The following RGS7 variants were observed in gnomAD, a reference collection of about 807,000 sequenced individuals.
RGS7 encodes regulator of G protein signaling 7.
A neutral mutation model predicts 81.1 loss-of-function variants in RGS7; 27 were observed. That is an observed-to-expected ratio of 0.33 (90% CI 0.25 to 0.46). The LOEUF (loss-of-function observed/expected upper bound fraction) is 0.46. Ranked by LOEUF, RGS7 falls within the 20% of genes least tolerant of loss-of-function variation. RGS7 has a pLI of 1.00. For missense variants in RGS7, 396 were observed against 607.4 expected, an observed-to-expected ratio of 0.65 and a Z score of 3.66; for synonymous variants, 208 against 207.7, an observed-to-expected ratio of 1.00 and a Z score of -0.01.
intron 2 of RGS7, among the ~76,000 whole-genome samples, chr1:241,286,773 T>C (rs1013414440): frequency 6.6e-6 from 1 of 152,148 alleles, no homozygotes; most frequent in African/African-American, 2.4e-5. Flanking sequence ...GCCACACTGC[T>C]CAAGGAAGAG....
chr1:241,254,612 C>T (rs370548528), intron 2 of RGS7, among the ~76,000 whole-genome samples: 1 of 152,078 alleles, frequency 6.6e-6, no homozygotes, highest in Admixed American at 6.5e-5. Flanking sequence ...AACATCACCT[C>T]GGGGATAACG....
At chr1:240,937,122 A>C (rs6677850) in intron 4 of RGS7, among the ~76,000 whole-genome samples, 2,653 of 152,238 alleles carry the variant, frequency 0.017, 78 homozygotes, top group African/African-American at 0.06. Context: ...AGCCATATTC[A>C]ATTTTAAACA....
chr1:241,342,827 C>G (rs12042977), intron 2 of RGS7, among the ~76,000 whole-genome samples: 94,785 of 152,098 alleles, frequency 0.62, 32,610 homozygotes, highest in Non-Finnish European at 0.77. Flanking sequence ...CACTTCACAC[C>G]CATTAGGATG....
At chr1:241,257,442 T>C (rs545053329) in intron 2 of RGS7, among the ~76,000 whole-genome samples, 1 of 152,224 alleles carries the variant, frequency 6.6e-6, no homozygotes, top group African/African-American at 2.4e-5. Context: ...GAAATCACTG[T>C]CTCCTAACAG....
At chr1:241,024,675 G>C (rs2059702743) in intron 3 of RGS7, among the ~76,000 whole-genome samples, 1 of 152,206 alleles carries the variant, frequency 6.6e-6, no homozygotes, top group South Asian at 2.1e-4. Context: ...GTCAAGGTTA[G>C]TCACAGAAAC....
intron 3 of RGS7, among the ~76,000 whole-genome samples, chr1:241,011,313 C>T (rs1469375956): frequency 6.6e-6 from 1 of 152,134 alleles, no homozygotes; most frequent in Non-Finnish European, 1.5e-5. Flanking sequence ...TCCTTCCTGG[C>T]AGCAGGGGAG....
chr1:241,041,406 C>T (rs1412134604), intron 3 of RGS7, among the ~76,000 whole-genome samples: 1 of 152,076 alleles, frequency 6.6e-6, no homozygotes, highest in Non-Finnish European at 1.5e-5. Flanking sequence ...GAAAAAAATA[C>T]TCGCAAAAGC....
intron 2 of RGS7, among the ~76,000 whole-genome samples, chr1:241,154,143 T>C (rs1325315757): frequency 6.6e-6 from 1 of 152,102 alleles, no homozygotes; most frequent in Non-Finnish European, 1.5e-5. Flanking sequence ...GTAGTACGTA[T>C]ATAAAGTATT....
intron 2 of RGS7, among the ~76,000 whole-genome samples, chr1:241,317,132 T>A (rs982316135): frequency 1.3e-5 from 2 of 152,180 alleles, no homozygotes; most frequent in African/African-American, 4.8e-5. Context: ...AAGCTTCCAA[T>A]GTTTGATATG....
At chr1:241,212,851 C>T (rs1196217651) in intron 2 of RGS7, among the ~76,000 whole-genome samples, 1 of 152,160 alleles carries the variant, frequency 6.6e-6, no homozygotes, top group African/African-American at 2.4e-5. Context: ...CTTTCATAAG[C>T]CACACCTCCT....
intron 2 of RGS7, among the ~76,000 whole-genome samples, chr1:241,306,427 A>G (rs2080142426): frequency 6.8e-6 from 1 of 147,152 alleles, no homozygotes; most frequent in African/African-American, 2.5e-5. Context: ...ACGTCCATAC[A>G]CCCTTTACAC....
In RGS7 at chr1:240,957,098, G is replaced by T. The variant is rs1469312336; in HGVS notation, c.227-20392C>A. 2.6e-5 allele frequency among the ~76,000 whole-genome samples: 4 copies of T among 152,134 alleles called. No homozygotes were observed. In the South Asian group the frequency reaches 8.3e-4, roughly 32 times the overall value. On this transcript the variant is annotated intron_variant, in intron 4 of 18. Coordinates refer to ENST00000440928, the MANE Select transcript of RGS7 (RefSeq NM_001364886.1). ...AGAGGAGATTAACATTTGAGGCAGT[G>T]GACTGGCAGAGGCAGACCACCCTCA...
intron 6 of RGS7, among the ~76,000 whole-genome samples, chr1:240,899,217 A>C (rs901888293): frequency 2.6e-5 from 4 of 152,068 alleles, no homozygotes; most frequent in African/African-American, 7.2e-5. Context: ...CAGCACACTG[A>C]TGGGTCTTGA....
At chr1:241,326,476 G>A (rs2081502448) in intron 2 of RGS7, among the ~76,000 whole-genome samples, 1 of 152,072 alleles carries the variant, frequency 6.6e-6, no homozygotes, top group East Asian at 1.9e-4. Context: ...TTACCAAATT[G>A]TGTGTCTATT....
intron 2 of RGS7, among the ~76,000 whole-genome samples, chr1:241,154,955 CTG>C (rs1483147129): frequency 6.6e-6 from 1 of 151,980 alleles, no homozygotes; most frequent in Admixed American, 6.6e-5. Flanking sequence ...GTCACGCAGA[CTG>C]AAAAAGAAAA....
chr1:241,004,287 C>A (rs1002399609), intron 3 of RGS7, among the ~76,000 whole-genome samples: 8 of 152,132 alleles, frequency 5.3e-5, no homozygotes, highest in African/African-American at 1.9e-4. Flanking sequence ...AATTCATTTT[C>A]CACCAATTTG....
At chr1:240,845,908 G>A (rs955820007) in intron 9 of RGS7, among the ~76,000 whole-genome samples, 1 of 152,216 alleles carries the variant, frequency 6.6e-6, no homozygotes, top group Non-Finnish European at 1.5e-5. Flanking sequence ...ACAAAGTCCT[G>A]TTGCCTCATC....
chr1:240,989,178 G>A (rs1239207072), intron 3 of RGS7, among the ~76,000 whole-genome samples: 1 of 151,806 alleles, frequency 6.6e-6, no homozygotes, highest in Non-Finnish European at 1.5e-5. Context: ...GGTGGCTCAC[G>A]CTTGTAATCC....
intron 6 of RGS7, among the ~76,000 whole-genome samples, chr1:240,916,588 A>G (rs150988477): frequency 2.4e-4 from 37 of 152,300 alleles, no homozygotes; most frequent in African/African-American, 8.4e-4. Flanking sequence ...TGAAGGTCAC[A>G]TGAGATCATA....
Sources: gnomAD v4.1 joint callset for allele counts (sites outside exome capture counted in the v4.1 genomes callset) on GRCh38, gnomAD v4.1.1 for gene constraint, MANE v1.5 for transcripts, NCBI Gene and HGNC (gene_info 2026-07-23, HGNC 2026-07-21) for gene names.